ULK4: variants seen among roughly 807,000 people sequenced by gnomAD.
ULK4 encodes the protein unc-51 like kinase 4.
Under a neutral mutation model 160.6 loss-of-function variants are expected in ULK4, and 133 were observed. That is an observed-to-expected ratio of 0.83 (90% CI 0.72 to 0.96). The LOEUF is 0.96. Ranked by LOEUF, ULK4 falls within the 40% of genes least tolerant of loss-of-function variation. The pLI is 0.00. For missense variants in ULK4, 1,580 were observed against 1,499.5 expected (o/e 1.05, Z -0.89); for synonymous variants, 534 against 539.8 (o/e 0.99, Z 0.15).
intron 35 of ULK4, among the ~76,000 whole-genome samples, chr3:41,382,258 C>T (rs1346572941): frequency 6.6e-6 from 1 of 152,124 alleles, no homozygotes; most frequent in African/African-American, 2.4e-5. Context: ...CTGTCTTGTT[C>T]CCTGCTGTAT....
At chr3:41,848,860 T>TA (rs1421233259) in intron 17 of ULK4, among the ~76,000 whole-genome samples, 1 of 152,152 alleles carries the variant, frequency 6.6e-6, no homozygotes. Flanking sequence ...TAAAAAGTAA[T>TA]AGATAGTGCT....
intron 17 of ULK4, among the ~76,000 whole-genome samples, chr3:41,873,112 A>G (rs1245788680): frequency 6.6e-6 from 1 of 152,184 alleles, no homozygotes; most frequent in Non-Finnish European, 1.5e-5. Context: ...AGATCACGCC[A>G]CTGCACTCCA....
At chr3:41,655,903 T>C (rs1419435194) in intron 30 of ULK4, among the ~76,000 whole-genome samples, 3 of 152,180 alleles carry the variant, frequency 2.0e-5, no homozygotes, top group Non-Finnish European at 2.9e-5. Flanking sequence ...TAAAAGAATA[T>C]GGCAAAGCCT....
intron 35 of ULK4, among the ~76,000 whole-genome samples, chr3:41,290,691 C>T (rs1250894536): frequency 1.3e-5 from 2 of 152,140 alleles, no homozygotes; most frequent in Non-Finnish European, 2.9e-5. Flanking sequence ...AGGTGTTGAC[C>T]AGAATTATTT....
At chr3:41,886,945 C>G (rs557281657) in intron 16 of ULK4, among the ~76,000 whole-genome samples, 5 of 152,270 alleles carry the variant, frequency 3.3e-5, no homozygotes, top group Admixed American at 6.5e-5. Context: ...CTTCAATTTT[C>G]TTCTCTTCCA....
At chr3:41,830,413 T>C (rs1016687347) in intron 18 of ULK4, among the ~76,000 whole-genome samples, 1 of 151,938 alleles carries the variant, frequency 6.6e-6, no homozygotes, top group Non-Finnish European at 1.5e-5. Flanking sequence ...AACAAGTCTA[T>C]ATAAAGAAAG....
chr3:41,301,061 A>C (rs980753129), intron 35 of ULK4, among the ~76,000 whole-genome samples: 1 of 151,306 alleles, frequency 6.6e-6, no homozygotes, highest in Non-Finnish European at 1.5e-5. Flanking sequence ...GAGCAGGACT[A>C]GGCTCAGAAA....
chr3:41,879,951 T>C (rs1354418132), intron 17 of ULK4, among the ~76,000 whole-genome samples: 1 of 152,000 alleles, frequency 6.6e-6, no homozygotes, highest in Admixed American at 6.6e-5. Context: ...ACCCCATCTC[T>C]ACTAAAAATA....
At chr3:41,355,398 A>T (rs2081011019) in intron 35 of ULK4, among the ~76,000 whole-genome samples, 2 of 152,168 alleles carry the variant, frequency 1.3e-5, no homozygotes, top group Non-Finnish European at 2.9e-5. Flanking sequence ...CTACTTATAG[A>T]TCAATTATTG....
At chr3:41,247,306 G>C (rs1427134940) in intron 36 of ULK4, among the ~76,000 whole-genome samples, 1 of 152,220 alleles carries the variant, frequency 6.6e-6, no homozygotes, top group Non-Finnish European at 1.5e-5. Flanking sequence ...CAGTGGGCCT[G>C]CCTGGCTCCT....
rs541457756 is a variant in ULK4, at chr3:41,597,318, G to A, written c.3120+18351C>T. ...ATGGCTCAGGGAGCTTCCTTTCTCTGTGTGGACCAAGGGAGATACATTGGT... is the reference window on the plus strand; with the variant it reads ...ATGGCTCAGGGAGCTTCCTTTCTCTATGTGGACCAAGGGAGATACATTGGT... On this transcript the variant is annotated intron_variant, in intron 31 of 36. Coordinates refer to ENST00000301831, the MANE Select transcript of ULK4 (RefSeq NM_017886.4). 3.3e-5 allele frequency among the ~76,000 whole-genome samples: 5 copies of A among 152,312 alleles called. No individual in the cohort carries two copies. In the East Asian group the frequency reaches 7.7e-4, roughly 24 times the overall value.
At position 41,911,377 on chromosome 3, in the gene ULK4, G is replaced by T; in HGVS notation, c.1025C>A (p.Thr342Asn). The T allele has an allele frequency of 6.2e-7, 1 of 1,614,092 alleles. No individual in the cohort carries two copies. The highest frequency in any genetic ancestry group is 1.1e-5 in the South Asian group (1 of 91,056). Reference sequence around the variant, plus strand: ...AAGAGTACTCTTAGGCCGAAACTCAGTTGGATTTTCTGTAGCAGGAAAGTA... The same window carrying T: ...AAGAGTACTCTTAGGCCGAAACTCATTTGGATTTTCTGTAGCAGGAAAGTA... ...LGHSFRLENP[T>N]EFRPKSTLEG... The change falls in exon 11 of 37, where the codon ACT becomes AAT. Residue 342 changes from threonine (T) to asparagine (N), a missense_variant. By Grantham distance (65) the Thr-to-Asn change is moderately conservative. Coordinates refer to ENST00000301831, the MANE Select transcript of ULK4 (RefSeq NM_017886.4).
At chr3:41,424,219 G>A (rs931870283) in intron 34 of ULK4, among the ~76,000 whole-genome samples, 4 of 152,128 alleles carry the variant, frequency 2.6e-5, no homozygotes, top group Non-Finnish European at 5.9e-5. Context: ...GTGCCTCCCT[G>A]CAGCAATTTC....
chr3:41,652,717 C>G (rs2034790453), intron 30 of ULK4, among the ~76,000 whole-genome samples: 1 of 152,150 alleles, frequency 6.6e-6, no homozygotes, highest in Non-Finnish European at 1.5e-5. Context: ...TTGTTTTTAT[C>G]CACATGACAC....
intron 2 of ULK4, among the ~76,000 whole-genome samples, chr3:41,953,040 A>G (rs1700341057): frequency 6.6e-6 from 1 of 151,962 alleles, no homozygotes; most frequent in Non-Finnish European, 1.5e-5. Context: ...AAAGCTGGAG[A>G]AGGAGAAATG....
At chr3:41,488,706 G>A (rs893129371) in intron 32 of ULK4, among the ~76,000 whole-genome samples, 1 of 152,144 alleles carries the variant, frequency 6.6e-6, no homozygotes, top group East Asian at 1.9e-4. Flanking sequence ...TGAAACTCTT[G>A]CTACATTCTG....
intron 35 of ULK4, among the ~76,000 whole-genome samples, chr3:41,300,836 ATT>A (rs1491450946): frequency 0.023 from 1,790 of 79,358 alleles, 152 homozygotes; most frequent in South Asian, 0.038. Context: ...CATTTTACAG[ATT>A]ATATATATAT....
intron 30 of ULK4, among the ~76,000 whole-genome samples, chr3:41,617,031 G>A (rs2033009535): frequency 6.6e-6 from 1 of 152,216 alleles, no homozygotes; most frequent in Non-Finnish European, 1.5e-5. Flanking sequence ...CAAAGCAGCT[G>A]TGGCCAGACT....
intron 20 of ULK4, among the ~76,000 whole-genome samples, chr3:41,799,686 A>AC (rs1309898635): frequency 2.0e-5 from 3 of 151,918 alleles, no homozygotes; most frequent in African/African-American, 7.3e-5. Context: ...ACATGACAAG[A>AC]CCCCATCTCT....
Sources: allele counts gnomAD v4.1 joint callset (sites outside exome capture counted in the v4.1 genomes callset), GRCh38; gene constraint gnomAD v4.1.1; transcripts MANE v1.5; gene names NCBI Gene and HGNC (gene_info 2026-07-23, HGNC 2026-07-21).